CANX: variants seen among roughly 807,000 people sequenced by gnomAD.
CANX encodes epididymis secretory sperm binding protein.
In CANX, 14 loss-of-function variants were observed where a neutral mutation model predicts 75.7. The ratio of observed to expected loss-of-function variants is 0.19; its 90% CI spans 0.12 to 0.29. The LOEUF is 0.29. CANX is among the 10% of genes least tolerant of loss of function. The pLI is 1.00. For synonymous variants in CANX, 227 were observed against 236.9 expected (o/e 0.96, Z 0.38); for missense variants, 567 against 713.2 (o/e 0.79, Z 2.34).
chr5:179,718,574 G>T (rs1254555957), intron 8 of CANX, among the ~76,000 whole-genome samples: 1 of 151,558 alleles, frequency 6.6e-6, no homozygotes, highest in African/African-American at 2.4e-5. Context: ...TGTCGCCCAG[G>T]CTGGAGTGTA....
intron 1 of CANX, among the ~76,000 whole-genome samples, chr5:179,688,088 T>A (rs1776221548): frequency 6.7e-6 from 1 of 149,584 alleles, no homozygotes; most frequent in Admixed American, 6.7e-5. Flanking sequence ...AGATGGAGTG[T>A]CGCTCTGTTG....
chr5:179,687,182 G>A (rs1367313619), intron 1 of CANX, among the ~76,000 whole-genome samples: 2 of 151,670 alleles, frequency 1.3e-5, no homozygotes, highest in African/African-American at 2.4e-5. Flanking sequence ...GGCTCACTGC[G>A]ACCTCCACCT....
chr5:179,688,266 G>A (rs977344736), intron 1 of CANX, among the ~76,000 whole-genome samples: 5 of 151,400 alleles, frequency 3.3e-5, no homozygotes, highest in Non-Finnish European at 7.4e-5. Context: ...TGTTGGCCAG[G>A]ATGGTCTTGA....
In CANX at chr5:179,724,822, A is replaced by T. The variant is rs760639960; in HGVS notation, c.1645+39A>T. The T allele has an allele frequency of 3.8e-6, 6 of 1,571,452 alleles. No individual in the cohort carries two copies. The South Asian group carries it at 6.9e-5, about 18-fold the overall frequency. On this transcript the variant is annotated intron_variant, in intron 13 of 14. Coordinates refer to ENST00000247461, the MANE Select transcript of CANX (RefSeq NM_001746.4). Reference sequence around the variant, plus strand: ...TCCAGAAAATCTGCTTTAAGCCAAGACCCTACGATGTTGTTAAACCTTTAC... The same window carrying T: ...TCCAGAAAATCTGCTTTAAGCCAAGTCCCTACGATGTTGTTAAACCTTTAC...
chr5:179,698,345 G>A (rs1776482218), upstream of CANX: 54 of 1,078,410 alleles, frequency 5.0e-5, no homozygotes, highest in Non-Finnish European at 6.2e-5. Context: ...GCTGGGCGAC[G>A]AGGCTGCGCA....
At chr5:179,714,838 C>T (rs924345892) in intron 7 of CANX, among the ~76,000 whole-genome samples, 2 of 151,506 alleles carry the variant, frequency 1.3e-5, no homozygotes, top group Non-Finnish European at 2.9e-5. Flanking sequence ...GAGACAGAAA[C>T]ACTGCAATCT....
At chr5:179,679,694 C>T (rs139802466) in intron 1 of CANX, among the ~76,000 whole-genome samples, 2,655 of 152,054 alleles carry the variant, frequency 0.017, 35 homozygotes, top group Non-Finnish European at 0.025. Flanking sequence ...GTCTCGCTGT[C>T]GTTGCCCGAG....
At chr5:179,727,589 CTGT>C in intron 14 of CANX, among the ~76,000 whole-genome samples, 1 of 152,316 alleles carries the variant, frequency 6.6e-6, no homozygotes, top group East Asian at 1.9e-4. Context: ...GTTAGACAGG[CTGT>C]TGTGTGGACT....
chr5:179,711,248 C>A (rs1158029346), intron 7 of CANX, among the ~76,000 whole-genome samples: 2 of 148,848 alleles, frequency 1.3e-5, no homozygotes, highest in Non-Finnish European at 3.0e-5. Flanking sequence ...CATAGTCAGA[C>A]CCTGTCTCTA....
chr5:179,715,929 T>C, intron 7 of CANX, 176 bp from the exon 8 acceptor site: 1 of 692,824 alleles, frequency 1.4e-6, no homozygotes, highest in Non-Finnish European at 2.6e-6. Flanking sequence ...TTATGTTTCG[T>C]GCATAAGGAA....
chr5:179,707,355 CG>C (rs770060504), intron 4 of CANX, among the ~76,000 whole-genome samples, 165 bp downstream of exon 4: 12 of 152,122 alleles, frequency 7.9e-5, no homozygotes, highest in Non-Finnish European at 1.6e-4. Context: ...GAAGCCAAGG[CG>C]GGCAGATCAC....
In CANX at chr5:179,720,578, G is replaced by C. The variant is rs149204588; in HGVS notation, c.1182+18G>C. 6.2e-7 allele frequency: 1 copy of C among 1,610,690 alleles called. No homozygotes were observed. The highest frequency in any genetic ancestry group is 8.5e-7 in the Non-Finnish European group (1 of 1,177,098). Reference sequence around the variant, plus strand: ...GTTACCAGGTTTGTGCCTCTTGATGGTTGAGTTGCTTTCATTAATCTGTTT... The same window carrying C: ...GTTACCAGGTTTGTGCCTCTTGATGCTTGAGTTGCTTTCATTAATCTGTTT... On this transcript the variant is annotated intron_variant, in intron 10 of 14. Transcript: ENST00000247461.
intron 7 of CANX, among the ~76,000 whole-genome samples, chr5:179,711,770 A>G (rs1394291384): frequency 7.2e-6 from 1 of 139,056 alleles, no homozygotes; most frequent in African/African-American, 2.7e-5. Flanking sequence ...CCTGGGCGAC[A>G]GGAAGACTCT....
At chr5:179,679,220 G>C (rs925910983) in intron 1 of CANX, 8 of 1,533,616 alleles carry the variant, frequency 5.2e-6, no homozygotes, top group African/African-American at 1.4e-5. Context: ...CTCTTGTCTC[G>C]GGAGCCCGGA....
chr5:179,683,055 G>A lies in CANX; in HGVS notation c.-4+4278G>A, dbSNP rs530829286. On this transcript the variant is annotated intron_variant, in intron 1 of 14. Transcript: ENST00000681674. ...GAGCTCACAAGCTGGGGCAGAGCCC[G>A]GTGGTGGTGCCACCTCCTAGGAAAC... 1.5e-3 allele frequency among the ~76,000 whole-genome samples: 234 copies of A among 152,336 alleles called. 3 individuals carry two copies. The highest frequency in any genetic ancestry group is 1.0e-3 in the South Asian group (5 of 4,832).
At chr5:179,704,865 A>T (rs1777022532) in intron 1 of CANX, among the ~76,000 whole-genome samples, 1 of 152,210 alleles carries the variant, frequency 6.6e-6, no homozygotes, top group East Asian at 1.9e-4. Flanking sequence ...TATAAATTTT[A>T]AAAAGTAGCT....
intron 13 of CANX, among the ~76,000 whole-genome samples, 192 bp from the exon 14 acceptor site, chr5:179,726,488 A>C (rs1778679546): frequency 6.6e-6 from 1 of 151,588 alleles, no homozygotes; most frequent in South Asian, 2.1e-4. Flanking sequence ...AGGCAGGAGA[A>C]TGGCGTGAAC....
At chr5:179,710,898 C>G (rs1332731372) in intron 7 of CANX, among the ~76,000 whole-genome samples, 1 of 150,018 alleles carries the variant, frequency 6.7e-6, no homozygotes, top group Non-Finnish European at 1.5e-5. Flanking sequence ...ACTAAAAATA[C>G]AAAAATTAGC....
chr5:179,715,388 G>A (rs1266806667), intron 7 of CANX, among the ~76,000 whole-genome samples: 1 of 151,994 alleles, frequency 6.6e-6, no homozygotes, highest in Non-Finnish European at 1.5e-5. Context: ...CAAAAAATTA[G>A]CTGGGCATGG....
Sources: gnomAD v4.1 joint callset for allele counts (sites outside exome capture counted in the v4.1 genomes callset) on GRCh38, gnomAD v4.1.1 for gene constraint, MANE v1.5 for transcripts, NCBI Gene and HGNC (gene_info 2026-07-23, HGNC 2026-07-21) for gene names.